CHRFAM7A: variants seen among roughly 807,000 people sequenced by gnomAD.
The protein encoded by CHRFAM7A is CHRNA7-FAM7A fusion protein.
A neutral mutation model predicts 29.2 loss-of-function variants in CHRFAM7A; 3 were observed. The observed-to-expected ratio is 0.10, with a 90% CI of 0.05 to 0.27. The LOEUF (loss-of-function observed/expected upper bound fraction) is 0.27. Among genes scored for constraint, CHRFAM7A ranks in the 10% least tolerant of loss-of-function variants. The pLI is 1.00. For missense variants in CHRFAM7A, 22 were observed against 328.0 expected (o/e 0.07, Z 7.21); for synonymous variants, 7 against 135.4 (o/e 0.05, Z 6.58).
intron 5 of CHRFAM7A, among the ~76,000 whole-genome samples, chr15:30,375,699 GGTT>G (rs1204086147): frequency 3.4e-5 from 5 of 147,836 alleles, no homozygotes; most frequent in African/African-American, 1.3e-4. Flanking sequence ...GTGTGTTGGT[GGTT>G]TGAGTGGTTT....
intron 5 of CHRFAM7A, among the ~76,000 whole-genome samples, chr15:30,375,673 TGTGTGTC>T: frequency 6.9e-6 from 1 of 144,686 alleles, no homozygotes; most frequent in Non-Finnish European, 1.5e-5. Context: ...GAGGGGTGTG[TGTGTGTC>T]TGGTGTGTGT....
rs1200882008 is a variant in CHRFAM7A, at chr15:30,367,191, CAGG to C, written c.720+224_720+226del. The stretch of plus-strand genomic sequence containing the variant: ...GTCCCAGCTACTTGGGAGGCTGAGG[CAGG>C]AGAATTGCTTGAATCCAGGAGGTGG... On this transcript the variant is annotated intron_variant, in intron 9 of 9. Transcript: ENST00000299847. Among the ~76,000 whole-genome samples, 5 of 151,008 alleles carry C rather than the reference CAGG, an allele frequency of 3.3e-5. 1 individual carries two copies. The highest frequency in any genetic ancestry group is 7.4e-5 in the Non-Finnish European group (5 of 67,758).
At chr15:30,371,426 A>T (rs547263383) in intron 7 of CHRFAM7A, among the ~76,000 whole-genome samples, 1 of 148,898 alleles carries the variant, frequency 6.7e-6, no homozygotes, top group African/African-American at 2.5e-5. Flanking sequence ...TTTTAAAAGC[A>T]TCAACACAAA....
At chr15:30,375,873 G>A (rs2140891672) in intron 5 of CHRFAM7A, among the ~76,000 whole-genome samples, 2 of 107,630 alleles carry the variant, frequency 1.9e-5, no homozygotes, top group African/African-American at 6.1e-5. Flanking sequence ...TGTGAGTGGT[G>A]TGTGTGTTGA....
At chr15:30,371,469 A>G (rs2058856247) in intron 7 of CHRFAM7A, among the ~76,000 whole-genome samples, 1 of 147,952 alleles carries the variant, frequency 6.8e-6, no homozygotes, top group Admixed American at 6.8e-5. Context: ...ATTATCTTTC[A>G]TATTCTCTGT....
intron 4 of CHRFAM7A, among the ~76,000 whole-genome samples, chr15:30,378,023 G>C (rs954590051): frequency 2.7e-5 from 2 of 74,792 alleles, no homozygotes; most frequent in Non-Finnish European, 5.1e-5. Flanking sequence ...ATTATCTATT[G>C]ATACAATGTT....
At chr15:30,371,554 T>A (rs2058857999) in intron 7 of CHRFAM7A, among the ~76,000 whole-genome samples, 1 of 149,962 alleles carries the variant, frequency 6.7e-6, no homozygotes, top group Non-Finnish European at 1.5e-5. Context: ...TTTCAGGTCT[T>A]ACGTTTGCTA....
At chr15:30,362,998 C>T (rs530972248) in intron 9 of CHRFAM7A, among the ~76,000 whole-genome samples, 187 bp from the exon 10 acceptor site, 3 of 151,428 alleles carry the variant, frequency 2.0e-5, no homozygotes, top group African/African-American at 7.3e-5. Flanking sequence ...CAACGTGAGG[C>T]AAGACTAAAA....
intron 5 of CHRFAM7A, among the ~76,000 whole-genome samples, chr15:30,374,163 CAT>C (rs2058896280): frequency 2.6e-5 from 2 of 77,922 alleles, no homozygotes; most frequent in Non-Finnish European, 4.8e-5. Context: ...TATTTACACT[CAT>C]GTGCTCTTCC....
At chr15:30,377,741 A>AT (rs1369824141) in intron 4 of CHRFAM7A, among the ~76,000 whole-genome samples, 1 of 143,796 alleles carries the variant, frequency 7.0e-6, no homozygotes, top group Non-Finnish European at 1.5e-5. Context: ...CACCTGGTTA[A>AT]TTTTTTTGTA....
chr15:30,383,364 ATGG>A lies in CHRFAM7A; in HGVS notation c.-16_-14del. On this transcript the variant is annotated 5_prime_UTR_variant, in exon 3 of 10. Coordinates refer to ENST00000299847, the MANE Select transcript of CHRFAM7A (RefSeq NM_139320.2). ...AATATTTTTGCATCAAATTTAACCG[ATGG>A]TGGTTGTTTCATTATCTGTGGTTAA... is the stretch of plus-strand genomic sequence containing the variant. 1.2e-6 allele frequency: 1 copy of A among 848,182 alleles called. No individual in the cohort carries two copies. Among genetic ancestry groups the A allele is most frequent in the East Asian group, 4.3e-5 (1 of 23,148 alleles). 52.5% of individuals were successfully genotyped at this position (848,182 alleles called of 1,614,324 possible).
chr15:30,375,675 TGTGTC>T (rs2058919755), intron 5 of CHRFAM7A, among the ~76,000 whole-genome samples: 2 of 144,612 alleles, frequency 1.4e-5, no homozygotes, highest in African/African-American at 5.2e-5. Flanking sequence ...GGGGTGTGTG[TGTGTC>T]TGGTGTGTGT....
At chr15:30,374,471 C>A (rs1490381610) in intron 5 of CHRFAM7A, among the ~76,000 whole-genome samples, 1 of 133,628 alleles carries the variant, frequency 7.5e-6, no homozygotes, top group South Asian at 2.6e-4. Flanking sequence ...TTGGATCCCC[C>A]CAAAACCCAC....
At chr15:30,373,930 C>G (rs1470905454) in intron 5 of CHRFAM7A, among the ~76,000 whole-genome samples, 2 of 137,918 alleles carry the variant, frequency 1.5e-5, no homozygotes, top group Non-Finnish European at 3.1e-5. Context: ...AGCCCCTGCA[C>G]TCCAGCCTGG....
chr15:30,377,757 A>G (rs896527013), intron 4 of CHRFAM7A, among the ~76,000 whole-genome samples: 1 of 144,634 alleles, frequency 6.9e-6, no homozygotes, highest in Admixed American at 7.0e-5. Flanking sequence ...TTGTATTTTT[A>G]GTAGAGACGG....
chr15:30,375,839 G>A (rs570326749), intron 5 of CHRFAM7A, among the ~76,000 whole-genome samples: 3 of 120,294 alleles, frequency 2.5e-5, no homozygotes, highest in South Asian at 2.4e-4. Context: ...GTGTTGAGTC[G>A]TGTGGGTGGT....
chr15:30,373,998 C>T (rs2058894568), intron 5 of CHRFAM7A, among the ~76,000 whole-genome samples: 1 of 145,652 alleles, frequency 6.9e-6, no homozygotes, highest in African/African-American at 2.6e-5. Flanking sequence ...AACAAACAAA[C>T]AAACAAAAAC....
chr15:30,376,494 G>GT (rs780681396), intron 5 of CHRFAM7A, among the ~76,000 whole-genome samples: 1 of 25,120 alleles, frequency 4.0e-5, no homozygotes, highest in Non-Finnish European at 8.5e-5. Flanking sequence ...AGCCTTGGAG[G>GT]TGAGACACTG....
intron 5 of CHRFAM7A, among the ~76,000 whole-genome samples, chr15:30,373,610 C>T (rs945145662): frequency 8.4e-6 from 1 of 118,886 alleles, no homozygotes; most frequent in African/African-American, 3.1e-5. Flanking sequence ...ACATGATTAT[C>T]GAGAAATACA....
Sources: gnomAD v4.1 joint callset for allele counts (sites outside exome capture counted in the v4.1 genomes callset) on GRCh38, gnomAD v4.1.1 for gene constraint, MANE v1.5 for transcripts, NCBI Gene and HGNC (gene_info 2026-07-23, HGNC 2026-07-21) for gene names.